Variants in ASPH observed in about 807,000 individuals in gnomAD.
ASPH encodes aspartyl/asparaginyl beta-hydroxylase.
Under a neutral mutation model 118.4 loss-of-function variants are expected in ASPH, and 100 were observed. The ratio of observed to expected loss-of-function variants is 0.84; its 90% confidence interval spans 0.72 to 1.00. The LOEUF (loss-of-function observed/expected upper bound fraction) is 1.00, where lower values mean the gene tolerates loss of function less well. Among genes scored for constraint, ASPH ranks in the 50% least tolerant of loss-of-function variants. ASPH has a pLI of 0.00. For missense variants in ASPH, 920 were observed against 919.5 expected, an observed-to-expected ratio of 1.00 and a Z score of -0.01; for synonymous variants, 315 against 325.6, an observed-to-expected ratio of 0.97 and a Z score of 0.35.
chr8:61,667,458 C>A (rs1457323197), intron 3 of ASPH, among the ~76,000 whole-genome samples: 1 of 152,092 alleles, frequency 6.6e-6, no homozygotes, highest in Non-Finnish European at 1.5e-5. Context: ...CCTCTGCCTC[C>A]CGGGTTCAAG....
chr8:61,678,072 TCTC>T (rs1273566100), intron 3 of ASPH, among the ~76,000 whole-genome samples: 1 of 152,022 alleles, frequency 6.6e-6, no homozygotes, highest in African/African-American at 2.4e-5. Context: ...GATCTGGTCT[TCTC>T]CTCCCATCAG....
At chr8:61,594,857 C>A (rs1056277303) in intron 14 of ASPH, among the ~76,000 whole-genome samples, 1 of 152,080 alleles carries the variant, frequency 6.6e-6, no homozygotes, top group Non-Finnish European at 1.5e-5. Flanking sequence ...CAAGGAAGGA[C>A]TATTGTATAT....
rs764895496 is a variant in ASPH, at chr8:61,562,821, T to A, written c.1360A>T (p.Thr454Ser). 1 of 1,612,832 alleles carries A rather than the reference T, an allele frequency of 6.2e-7. No homozygotes were observed. The highest frequency in any genetic ancestry group is 8.5e-7 in the Non-Finnish European group (1 of 1,179,498). ...QRLVQLFPND[T>S]SLKNDLGVGY... ...ACGCCAAGGTCATTTTTTAAGGAAGTATCATTGGGAAATAGTTGAACTAAT... is the reference window on the plus strand; with the variant it reads ...ACGCCAAGGTCATTTTTTAAGGAAGAATCATTGGGAAATAGTTGAACTAAT... The change falls in exon 18 of 25, where the codon ACT becomes TCT. Residue 454 changes from threonine (T) to serine (S), a missense_variant. Physicochemically the swap from Thr to Ser is moderately conservative, Grantham distance 58. Coordinates refer to ENST00000379454, the MANE Select transcript of ASPH (RefSeq NM_004318.4).
chr8:61,705,821 T>TACAC (rs1836472466), intron 1 of ASPH, among the ~76,000 whole-genome samples: 1 of 151,758 alleles, frequency 6.6e-6, no homozygotes, highest in Admixed American at 6.6e-5. Flanking sequence ...TACAGGCACA[T>TACAC]GTAAATGTTT....
In ASPH at chr8:61,500,607, C is replaced by CCAA. The variant is rs1440955721; in HGVS notation, c.*2749_*2751dup. ...CCTAGTCTCCTTAGAAATGGAGTCC[C>CCAA]CAACTACTCATTCAAAAGAAATCAG... On this transcript the variant is annotated 3_prime_UTR_variant, in exon 25 of 25. Transcript: ENST00000379454. 1.3e-5 allele frequency: 2 copies of CCAA among 150,924 alleles called. No individual in the cohort carries two copies. The highest frequency in any genetic ancestry group is 2.9e-5 in the Non-Finnish European group (2 of 67,970). 9.3% of individuals were successfully genotyped at this position (150,924 alleles called of 1,614,324 possible).
intron 14 of ASPH, among the ~76,000 whole-genome samples, chr8:61,613,527 G>T (rs1279220261): frequency 6.6e-6 from 1 of 152,140 alleles, no homozygotes; most frequent in African/African-American, 2.4e-5. Context: ...TTTTTGTCTA[G>T]AAATTAAAAG....
intron 3 of ASPH, among the ~76,000 whole-genome samples, chr8:61,654,566 G>A (rs1283179164): frequency 6.6e-6 from 1 of 152,158 alleles, no homozygotes. Context: ...GCTCATGTAT[G>A]CACACTAATG....
At chr8:61,625,299 T>G in intron 13 of ASPH, 16 of 985,860 alleles carry the variant, frequency 1.6e-5, no homozygotes, top group Non-Finnish European at 1.9e-5. Context: ...CATCGGGCTC[T>G]GTGAGCTTTT....
At chr8:61,528,011 C>G (rs2129628404) in intron 21 of ASPH, among the ~76,000 whole-genome samples, 1 of 152,296 alleles carries the variant, frequency 6.6e-6, no homozygotes, top group South Asian at 2.1e-4. Flanking sequence ...CTGCTTTTAA[C>G]TTTTGAGCCA....
Position 61,614,645 on chromosome 8 carries a change from TTTG to T in ASPH, c.976+4330_976+4332del, listed in dbSNP as rs565000530. Among the ~76,000 whole-genome samples the T allele has an allele frequency of 5.2e-3, 782 of 151,752 alleles. 4 individuals are homozygous for T. Among genetic ancestry groups the T allele is most frequent in the African/African-American group, 0.018 (737 of 41,398 alleles). ...ACCATGCCTGGCTACGTGTTGGGTT[TTTG>T]TTGTTGTTGTTGTTGTTGTTGTTTG... On this transcript the variant is annotated intron_variant, in intron 14 of 24. Transcript: ENST00000379454.
At chr8:61,601,431 C>T (rs1843939315) in intron 14 of ASPH, among the ~76,000 whole-genome samples, 1 of 150,680 alleles carries the variant, frequency 6.6e-6, no homozygotes, top group Admixed American at 6.6e-5. Context: ...ATCCCAGCTA[C>T]TCAGGAGGCT....
chr8:61,579,039 A>C, intron 15 of ASPH: 1 of 1,610,932 alleles, frequency 6.2e-7, no homozygotes, highest in Non-Finnish European at 8.5e-7. Flanking sequence ...TGCCAACCAA[A>C]GACGGGCTGA....
At chr8:61,635,027 T>C (rs1857135511) in intron 12 of ASPH, among the ~76,000 whole-genome samples, 1 of 152,206 alleles carries the variant, frequency 6.6e-6, no homozygotes, top group East Asian at 1.9e-4. Flanking sequence ...TTACCTATTT[T>C]ATAGCCTACT....
intron 19 of ASPH, 103 bp from the exon 20 acceptor site, chr8:61,553,223 A>C (rs1294298386): frequency 2.3e-6 from 2 of 868,862 alleles, no homozygotes; most frequent in Non-Finnish European, 3.6e-6. Flanking sequence ...AAAACCTAAA[A>C]ACCAGAAAAA....
chr8:61,673,154 G>A (rs191525185), intron 3 of ASPH, among the ~76,000 whole-genome samples: 1 of 152,274 alleles, frequency 6.6e-6, no homozygotes, highest in Non-Finnish European at 1.5e-5. Context: ...CTAGAATAAA[G>A]AAAGAATCAA....
intron 3 of ASPH, chr8:61,675,411 A>T: frequency 1.0e-6 from 1 of 984,110 alleles, no homozygotes; most frequent in Non-Finnish European, 1.2e-6. Flanking sequence ...TTTCACAGAC[A>T]GAAATATGTC....
intron 3 of ASPH, chr8:61,658,868 T>C (rs1049383144): frequency 2.6e-5 from 4 of 152,208 alleles, no homozygotes; most frequent in Admixed American, 2.6e-4. Flanking sequence ...TTTTGTATAG[T>C]CACCATTCAA....
chr8:61,587,864 G>C (rs1408396087), intron 14 of ASPH, among the ~76,000 whole-genome samples: 1 of 152,096 alleles, frequency 6.6e-6, no homozygotes, highest in Non-Finnish European at 1.5e-5. Flanking sequence ...TTCTGGGGAG[G>C]CACATGTTCT....
chr8:61,515,582 T>C (rs1276330463), intron 24 of ASPH, among the ~76,000 whole-genome samples: 2 of 152,220 alleles, frequency 1.3e-5, no homozygotes, highest in Non-Finnish European at 2.9e-5. Context: ...TCTTTATCTC[T>C]AGACTTACCT....
Sources: gnomAD v4.1 joint callset for allele counts (sites outside exome capture counted in the v4.1 genomes callset) on GRCh38, gnomAD v4.1.1 for gene constraint, MANE v1.5 for transcripts, NCBI Gene and HGNC (gene_info 2026-07-23, HGNC 2026-07-21) for gene names.